The following COL17A1 variants were observed in gnomAD, a reference collection of about 807,000 sequenced individuals.
COL17A1 encodes the protein collagen alpha-1(XVII) chain.
A neutral mutation model predicts 218.4 loss-of-function variants in COL17A1; 181 were observed. That is an observed-to-expected ratio of 0.83 (90% CI 0.73 to 0.94). The LOEUF is 0.94. Among genes scored for constraint, COL17A1 ranks in the 40% least tolerant of loss-of-function variants. COL17A1 has a pLI of 0.00. For synonymous variants in COL17A1, 721 were observed against 731.0 expected (o/e 0.99, Z 0.22); for missense variants, 1,924 against 1,945.9 (o/e 0.99, Z 0.21).
rs1589553217 is a variant in COL17A1, at chr10:104,031,926, C to G, written c.*309G>C. ...GCCAACTTTTATGTAACTGGCTTTC[C>G]TAGGCTGGGGCTTGAACTAAGTAAA... On this transcript the variant is annotated 3_prime_UTR_variant, in exon 56 of 56. Coordinates refer to ENST00000648076, the MANE Select transcript of COL17A1 (RefSeq NM_000494.4). The G allele has an allele frequency of 2.2e-6, 1 of 454,550 alleles. No homozygotes were observed. The allele number at this position is 454,550 out of a possible 1,614,324, so 28.2% of individuals were successfully genotyped here.
chr10:104,061,057 A>C (rs2086577888), intron 13 of COL17A1, among the ~76,000 whole-genome samples: 1 of 152,170 alleles, frequency 6.6e-6, no homozygotes, highest in Non-Finnish European at 1.5e-5. Flanking sequence ...GGAGGGTGCC[A>C]GCAGTTTCTG....
At chr10:104,080,904 G>C (rs2086759320) in intron 1 of COL17A1, among the ~76,000 whole-genome samples, 1 of 152,150 alleles carries the variant, frequency 6.6e-6, no homozygotes. Flanking sequence ...TTTGTGCTGG[G>C]ATCTTGTTTT....
chr10:104,040,663 T>G (rs2086350977), intron 39 of COL17A1, among the ~76,000 whole-genome samples: 1 of 152,112 alleles, frequency 6.6e-6, no homozygotes, highest in Admixed American at 6.5e-5. Context: ...GATGGGTGGA[T>G]GGATTTTCCA....
chr10:104,037,803 G>A (rs1331285625), intron 45 of COL17A1, 30 bp from the exon 46 acceptor site: 1 of 1,610,956 alleles, frequency 6.2e-7, no homozygotes, highest in Non-Finnish European at 8.5e-7. Flanking sequence ...GCAAAGTCAA[G>A]CCTGTCCCAA....
intron 1 of COL17A1, among the ~76,000 whole-genome samples, chr10:104,082,036 A>G (rs1589580719): frequency 6.6e-6 from 1 of 152,236 alleles, no homozygotes; most frequent in African/African-American, 2.4e-5. Context: ...AAATGAGACC[A>G]GCTGATCAAC....
At chr10:104,072,875 C>T (rs1228031119) in intron 7 of COL17A1, among the ~76,000 whole-genome samples, 1 of 152,184 alleles carries the variant, frequency 6.6e-6, no homozygotes, top group African/African-American at 2.4e-5. Context: ...TAGAGCATAT[C>T]TTGTTAAAGT....
chr10:104,054,857 A>G, intron 20 of COL17A1, 124 bp downstream of exon 20: 5 of 1,473,890 alleles, frequency 3.4e-6, no homozygotes, highest in Non-Finnish European at 4.7e-6. Context: ...CTCCTCACAC[A>G]CCTGTCCCAT....
chr10:104,033,899 C>G, intron 52 of COL17A1, 46 bp downstream of exon 52: 1 of 1,613,252 alleles, frequency 6.2e-7, no homozygotes. Flanking sequence ...GGAGATGCTC[C>G]CACGCTCCTT....
At position 104,032,977 on chromosome 10, in the gene COL17A1, G is replaced by A. The variant is rs1248866258; in HGVS notation, c.4295-9C>T. On this transcript the variant is annotated splice_polypyrimidine_tract_variant and intron_variant, in intron 53 of 55. Coordinates refer to ENST00000648076, the MANE Select transcript of COL17A1 (RefSeq NM_000494.4). ...TTGAATGGCTCCATAAGCTGCAAAA[G>A]CAAGGAAACACTGGCCTTAGAGTCT... 6 of 1,613,184 alleles carry A rather than the reference G, an allele frequency of 3.7e-6. No individual in the cohort carries two copies. The highest frequency in any genetic ancestry group is 4.2e-6 in the Non-Finnish European group (5 of 1,179,594).
Position 104,044,033 on chromosome 10 carries a change from A to G in COL17A1, c.2399-173T>C, listed in dbSNP as rs534773614. On this transcript the variant is annotated intron_variant, in intron 33 of 55. Transcript: ENST00000648076. ...GGCAAGCAGGATGCATTAAGCCCCA[A>G]TCTTTCAGCCAGAGTCCCTGGAGGC... Among the ~76,000 whole-genome samples, 15 of 152,312 alleles carry G rather than the reference A, an allele frequency of 9.8e-5. No individual in the cohort carries two copies. The East Asian group carries it at 1.2e-3, about 12-fold the overall frequency.
chr10:104,041,642 A>G, intron 36 of COL17A1, 104 bp from the exon 37 acceptor site: 1 of 954,646 alleles, frequency 1.0e-6, no homozygotes, highest in Non-Finnish European at 1.6e-6. Context: ...ACTCCAGGCT[A>G]CCCTCACAGC....
intron 38 of COL17A1, 69 bp downstream of exon 38, chr10:104,041,234 C>T: frequency 6.2e-7 from 1 of 1,604,554 alleles, no homozygotes; most frequent in Non-Finnish European, 8.5e-7. Context: ...GGGCCCTGGG[C>T]TCAGGGTCCC....
At chr10:104,077,101 A>G (rs1457232454) in intron 4 of COL17A1, among the ~76,000 whole-genome samples, 1 of 152,184 alleles carries the variant, frequency 6.6e-6, no homozygotes, top group Non-Finnish European at 1.5e-5. Context: ...TTAGTGAGGA[A>G]ATAGCTACCT....
chr10:104,081,025 A>G (rs887055065), intron 1 of COL17A1, among the ~76,000 whole-genome samples: 1 of 152,204 alleles, frequency 6.6e-6, no homozygotes. Context: ...TTTCCATGGT[A>G]ATAAATAGCT....
At chr10:104,033,705 G>A (rs1355835692) in intron 52 of COL17A1, among the ~76,000 whole-genome samples, 3 of 152,176 alleles carry the variant, frequency 2.0e-5, no homozygotes, top group Non-Finnish European at 4.4e-5. Context: ...AACGAGCTAG[G>A]TGTTGGGAAA....
chr10:104,034,727 A>C lies in COL17A1; in HGVS notation c.3660T>G (p.Pro1220=). The change falls in exon 51 of 56, where the codon CCT becomes CCG. Residue 1220 remains proline (P), a synonymous_variant. Coordinates refer to ENST00000648076, the MANE Select transcript of COL17A1 (RefSeq NM_000494.4). ...LSFIPGPPGP[P]GPPGPRGPPG... is the part of the protein sequence containing the mutation. ...GGGGCCCTCGAGGCCCTGGGGGACC[A>C]GGAGGTCCTGGAGGGCCTGGGATGA... 1 of 1,612,370 alleles carries C rather than the reference A, an allele frequency of 6.2e-7. No homozygotes were observed. The highest frequency in any genetic ancestry group is 1.1e-5 in the South Asian group (1 of 90,474).
intron 31 of COL17A1, among the ~76,000 whole-genome samples, chr10:104,047,289 C>T (rs1036854179): frequency 1.1e-4 from 17 of 152,130 alleles, no homozygotes; most frequent in African/African-American, 2.4e-4. Context: ...GCTTCCTCCT[C>T]GGCCTCGTGG....
At chr10:104,037,500 T>G in intron 46 of COL17A1, 136 bp downstream of exon 46, 1 of 1,197,352 alleles carries the variant, frequency 8.4e-7, no homozygotes, top group Non-Finnish European at 1.2e-6. Context: ...AGTGGCCCGA[T>G]TATTATGAAT....
At chr10:104,072,126 A>G (rs759322262) in intron 7 of COL17A1, 47 bp from the exon 8 acceptor site, 15 of 1,613,158 alleles carry the variant, frequency 9.3e-6, no homozygotes, top group Non-Finnish European at 1.1e-5. Context: ...AGGAGCTTAG[A>G]TCACAATCCC....
Sources: gnomAD v4.1 joint callset for allele counts (sites outside exome capture counted in the v4.1 genomes callset) on GRCh38, gnomAD v4.1.1 for gene constraint, MANE v1.5 for transcripts, NCBI Gene and HGNC (gene_info 2026-07-23, HGNC 2026-07-21) for gene names.